ZDHHC2: variants seen among roughly 807,000 people sequenced by gnomAD.
ZDHHC2 encodes the protein zDHHC palmitoyltransferase 2.
Under a neutral mutation model 55.6 loss-of-function variants are expected in ZDHHC2, and 51 were observed. The observed-to-expected ratio is 0.92, with a 90% CI of 0.73 to 1.16. The LOEUF (loss-of-function observed/expected upper bound fraction) is 1.16. Among genes scored for constraint, ZDHHC2 ranks in the 50% most tolerant of loss-of-function variants. ZDHHC2 has a pLI of 0.00. For missense variants in ZDHHC2, 491 were observed against 442.4 expected (o/e 1.11, Z -0.99); for synonymous variants, 199 against 152.9 (o/e 1.30, Z -2.22).
intron 1 of ZDHHC2, among the ~76,000 whole-genome samples, chr8:17,167,033 G>A (rs552359367): frequency 2.6e-5 from 4 of 152,236 alleles, no homozygotes; most frequent in Admixed American, 1.3e-4. Flanking sequence ...AGAAAATTTC[G>A]TGAGCGGTAA....
At chr8:17,159,870 C>T (rs1034212152) in intron 1 of ZDHHC2, among the ~76,000 whole-genome samples, 4 of 152,196 alleles carry the variant, frequency 2.6e-5, no homozygotes, top group Non-Finnish European at 4.4e-5. Flanking sequence ...TCTCTTACCA[C>T]TCCTTTTCCC....
At chr8:17,171,268 A>C (rs922404806) in intron 1 of ZDHHC2, among the ~76,000 whole-genome samples, 1 of 152,192 alleles carries the variant, frequency 6.6e-6, no homozygotes, top group East Asian at 1.9e-4. Context: ...GCTGCCCTCA[A>C]ATCTGCACAA....
chr8:17,210,311 G>A (rs1283320168), intron 9 of ZDHHC2, 77 bp from the exon 10 acceptor site: 61 of 1,419,024 alleles, frequency 4.3e-5, no homozygotes, highest in East Asian at 1.9e-4. Flanking sequence ...TTCTGCTCTC[G>A]GACATCAGCA....
At chr8:17,197,786 G>A in intron 5 of ZDHHC2, 135 bp downstream of exon 5, 1 of 956,946 alleles carries the variant, frequency 1.0e-6, no homozygotes, top group African/African-American at 1.7e-5. Flanking sequence ...AAATGGAGTT[G>A]GTATAACCCG....
rs1302755027 is a variant in ZDHHC2 at position 17,220,564 on chromosome 8, A to G, written c.*343A>G. On this transcript the variant is annotated 3_prime_UTR_variant, in exon 13 of 13. Coordinates refer to ENST00000262096, the MANE Select transcript of ZDHHC2 (RefSeq NM_016353.5). Reference sequence around the variant, plus strand: ...GGGTAGCACAGTTTATCACATAGAAACTCCATTAATCATCTGATTTTCCGA... The same window carrying G: ...GGGTAGCACAGTTTATCACATAGAAGCTCCATTAATCATCTGATTTTCCGA... 1 of 152,166 alleles carries G rather than the reference A, an allele frequency of 6.6e-6. No individual in the cohort carries two copies. The highest frequency in any genetic ancestry group is 1.5e-5 in the Non-Finnish European group (1 of 68,022). 9.4% of individuals were successfully genotyped at this position (152,166 alleles called of 1,614,324 possible).
chr8:17,197,177 C>T (rs1003985292), intron 4 of ZDHHC2, among the ~76,000 whole-genome samples: 9 of 152,130 alleles, frequency 5.9e-5, no homozygotes, highest in African/African-American at 1.2e-4. Flanking sequence ...GTAAAAGGTG[C>T]AAAAACCTGG....
At chr8:17,201,665 GTT>G (rs67135015) in intron 6 of ZDHHC2, among the ~76,000 whole-genome samples, 38 of 129,996 alleles carry the variant, frequency 2.9e-4, no homozygotes, top group Middle Eastern at 3.8e-3. Flanking sequence ...ACGGTTTTTG[GTT>G]TTTTTTTTTT....
intron 12 of ZDHHC2, among the ~76,000 whole-genome samples, chr8:17,219,812 T>C (rs1409389233): frequency 6.6e-6 from 1 of 152,084 alleles, no homozygotes; most frequent in Non-Finnish European, 1.5e-5. Context: ...AAAGCTGTGC[T>C]TCTATGCACA....
intron 1 of ZDHHC2, among the ~76,000 whole-genome samples, chr8:17,178,641 A>T (rs1484616576): frequency 6.6e-6 from 1 of 152,202 alleles, no homozygotes; most frequent in Non-Finnish European, 1.5e-5. Flanking sequence ...CTGTGTTTGG[A>T]CCAAGGGTTC....
rs1806566009 is a variant in ZDHHC2, at chr8:17,199,546, T to TCTTC, written c.476+1133_476+1134insCTTC. 1.2e-3 allele frequency among the ~76,000 whole-genome samples: 47 copies of TCTTC among 40,648 alleles called. 1 individual carries two copies. The highest frequency in any genetic ancestry group is 3.2e-3 in the African/African-American group (43 of 13,594). 26.7% of individuals were successfully genotyped at this position (40,648 alleles called of 152,430 possible). On this transcript the variant is annotated intron_variant, in intron 6 of 12. Coordinates refer to ENST00000262096, the MANE Select transcript of ZDHHC2 (RefSeq NM_016353.5). ...GTCTTCGTCTTCTGTCTTCGTCTTC[T>TCTTC]GTCTTCGTCTTCGTCTTCTTCGTCT...
chr8:17,208,296 A>G (rs1247467505), intron 8 of ZDHHC2, among the ~76,000 whole-genome samples: 1 of 149,576 alleles, frequency 6.7e-6, no homozygotes, highest in Non-Finnish European at 1.5e-5. Context: ...ATATATATGT[A>G]TATATATATG....
intron 1 of ZDHHC2, among the ~76,000 whole-genome samples, chr8:17,175,045 G>A (rs1805061018): frequency 6.6e-6 from 1 of 152,078 alleles, no homozygotes; most frequent in Non-Finnish European, 1.5e-5. Context: ...CTATTCTTCA[G>A]GAAAAGGTTG....
At chr8:17,157,551 C>G (rs1292985807) in intron 1 of ZDHHC2, 1 of 152,152 alleles carries the variant, frequency 6.6e-6, no homozygotes, top group African/African-American at 2.4e-5. Context: ...TGGCTCCAGT[C>G]CGAGTTCGAG....
chr8:17,197,165 C>A (rs1168144042), intron 4 of ZDHHC2, among the ~76,000 whole-genome samples: 1 of 152,126 alleles, frequency 6.6e-6, no homozygotes, highest in Non-Finnish European at 1.5e-5. Flanking sequence ...TAGTTAGTGA[C>A]AGTAAAAGGT....
intron 3 of ZDHHC2, among the ~76,000 whole-genome samples, chr8:17,189,980 CT>C (rs1311752461): frequency 6.6e-6 from 1 of 152,166 alleles, no homozygotes; most frequent in East Asian, 1.9e-4. Flanking sequence ...CTTAAGGACA[CT>C]TTCTTTTCAC....
chr8:17,199,653 C>T (rs1253764167), intron 6 of ZDHHC2, among the ~76,000 whole-genome samples: 2 of 99,870 alleles, frequency 2.0e-5, no homozygotes, highest in East Asian at 1.3e-3. Context: ...CCTCCTCCTC[C>T]CTCCTCCCTC....
At chr8:17,166,935 G>A (rs1804630636) in intron 1 of ZDHHC2, among the ~76,000 whole-genome samples, 1 of 152,096 alleles carries the variant, frequency 6.6e-6, no homozygotes, top group Admixed American at 6.5e-5. Context: ...ACGAGTTGCT[G>A]GGATATCTGA....
intron 10 of ZDHHC2, among the ~76,000 whole-genome samples, chr8:17,212,431 C>T (rs779756159): frequency 2.0e-4 from 31 of 152,298 alleles, no homozygotes; most frequent in African/African-American, 4.3e-4. Flanking sequence ...CATTCTCCCA[C>T]GTGTTCATGC....
At chr8:17,198,327 A>G (rs1806431030) in intron 5 of ZDHHC2, 54 bp from the exon 6 acceptor site, 3 of 1,473,240 alleles carry the variant, frequency 2.0e-6, no homozygotes, top group Non-Finnish European at 2.7e-6. Flanking sequence ...TTATAATTTA[A>G]TATGATTAAA....
Sources: gnomAD v4.1 joint callset for allele counts (sites outside exome capture counted in the v4.1 genomes callset) on GRCh38, gnomAD v4.1.1 for gene constraint, MANE v1.5 for transcripts, NCBI Gene and HGNC (gene_info 2026-07-23, HGNC 2026-07-21) for gene names.